ESRP1: variants seen among roughly 807,000 people sequenced by gnomAD.
ESRP1 encodes the protein epithelial splicing regulatory protein 1, also known as RNA-binding motif protein 35A.
ESRP1 carries 33 observed loss-of-function variants against 81.7 expected under a neutral mutation model. The observed-to-expected ratio is 0.40, with a 90% CI of 0.31 to 0.54. ESRP1 has a LOEUF of 0.54. Ranked by LOEUF, ESRP1 falls within the 20% of genes least tolerant of loss-of-function variation. ESRP1 has a pLI of 0.41. For missense variants in ESRP1, 672 were observed against 833.1 expected (o/e 0.81, Z 2.38); for synonymous variants, 320 against 303.3 (o/e 1.06, Z -0.57).
chr8:94,691,537 G>C (rs1299158004), intron 13 of ESRP1, among the ~76,000 whole-genome samples: 1 of 152,186 alleles, frequency 6.6e-6, no homozygotes, highest in African/African-American at 2.4e-5. Flanking sequence ...CTAGGAAAGT[G>C]CTGATCACCC....
chr8:94,664,864 C>G, intron 7 of ESRP1, 57 bp downstream of exon 7: 5 of 1,608,554 alleles, frequency 3.1e-6, no homozygotes, highest in Non-Finnish European at 4.2e-6. Flanking sequence ...AATGGATTTT[C>G]TATCTTTTTT....
At chr8:94,676,309 G>A (rs974180350) in intron 12 of ESRP1, among the ~76,000 whole-genome samples, 55 of 142,388 alleles carry the variant, frequency 3.9e-4, no homozygotes, top group Non-Finnish European at 6.1e-4. Flanking sequence ...CTGAGATTGC[G>A]CCACTATACT....
chr8:94,683,584 A>G (rs1809015043), intron 13 of ESRP1, among the ~76,000 whole-genome samples: 1 of 152,244 alleles, frequency 6.6e-6, no homozygotes, highest in South Asian at 2.1e-4. Flanking sequence ...AGAAAAAAGA[A>G]TTCTTGATTT....
At position 94,678,226 on chromosome 8, in the gene ESRP1, T is replaced by G; in HGVS notation, c.1675T>G (p.Phe559Val). 1.2e-6 allele frequency: 2 copies of G among 1,614,040 alleles called. No individual in the cohort carries two copies. The highest frequency in any genetic ancestry group is 1.7e-6 in the Non-Finnish European group (2 of 1,179,894). ...AGGCCTGTCTCCTCCCTCCTACACATTTCCAGCTCCTGCTGCAGTTATTCC... is the reference window on the plus strand; with the variant it reads ...AGGCCTGTCTCCTCCCTCCTACACAGTTCCAGCTCCTGCTGCAGTTATTCC... ...LPCLSPPSYT[F>V]PAPAAVIPTE... The change falls in exon 13 of 16, where the codon TTT becomes GTT. Residue 559 changes from phenylalanine to valine, a missense_variant. Phe to Val is a conservative substitution (Grantham distance 50, BLOSUM62 -1). Transcript: ENST00000433389.
chr8:94,658,340 C>A (rs565344860), intron 4 of ESRP1, among the ~76,000 whole-genome samples: 2 of 152,310 alleles, frequency 1.3e-5, no homozygotes, highest in East Asian at 3.9e-4. Context: ...CCATTTAAGT[C>A]AGCAGATCCT....
Position 94,643,774 on chromosome 8 carries a change from CAG to C in ESRP1, c.375+361_375+362del, listed in dbSNP as rs549639735. Among the ~76,000 whole-genome samples the C allele has an allele frequency of 5.3e-3, 802 of 152,122 alleles. 2 individuals carry two copies. The highest frequency in any genetic ancestry group is 9.0e-3 in the Non-Finnish European group (614 of 68,014). On this transcript the variant is annotated intron_variant, in intron 3 of 15. Coordinates refer to ENST00000433389, the MANE Select transcript of ESRP1 (RefSeq NM_017697.4). ...ACACTTCCCTTTTCCGAAGCTAATA[CAG>C]AGTGTGAATTTTTGACATTTAAAAT... is the stretch of plus-strand genomic sequence containing the variant.
chr8:94,656,377 C>G (rs1012047132), intron 4 of ESRP1, among the ~76,000 whole-genome samples: 2 of 151,882 alleles, frequency 1.3e-5, no homozygotes, highest in Non-Finnish European at 2.9e-5. Context: ...TGCCACCACG[C>G]CCGGCTAATT....
intron 4 of ESRP1, chr8:94,649,474 G>A (rs1007835707): frequency 6.6e-6 from 1 of 151,988 alleles, no homozygotes; most frequent in Non-Finnish European, 1.5e-5. Flanking sequence ...TGGATTACAG[G>A]TGCATCTGCT....
In ESRP1 at chr8:94,679,919, G is replaced by A. The variant is rs559593832; in HGVS notation, c.1820+1548G>A. Among the ~76,000 whole-genome samples the A allele has an allele frequency of 4.3e-4, 65 of 152,058 alleles. 1 individual carries two copies. Among genetic ancestry groups the A allele is most frequent in the Admixed American group, 7.9e-4 (12 of 15,260 alleles). On this transcript the variant is annotated intron_variant, in intron 13 of 15. Transcript: ENST00000433389. Reference sequence around the variant, plus strand: ...TTCTGTGTATATTTACCTCATTCTTGTAAATTCCTCAAAATGTCCAAAGAG... The same window carrying A: ...TTCTGTGTATATTTACCTCATTCTTATAAATTCCTCAAAATGTCCAAAGAG...
chr8:94,669,214 A>G (rs781658761), intron 10 of ESRP1, among the ~76,000 whole-genome samples: 26 of 152,190 alleles, frequency 1.7e-4, no homozygotes, highest in Non-Finnish European at 3.5e-4. Flanking sequence ...CCAATTGAAC[A>G]TGTCTTCAGG....
At chr8:94,697,080 A>G in intron 15 of ESRP1, 119 bp downstream of exon 15, 1 of 675,594 alleles carries the variant, frequency 1.5e-6, no homozygotes, top group Non-Finnish European at 2.4e-6. Context: ...GTAAAATATC[A>G]GATATCCTGG....
chr8:94,700,149 G>A (rs946514189), intron 15 of ESRP1, among the ~76,000 whole-genome samples: 6 of 152,172 alleles, frequency 3.9e-5, no homozygotes, highest in East Asian at 1.9e-4. Context: ...CTCTGAGGAC[G>A]CTTTTCTGTT....
intron 10 of ESRP1, among the ~76,000 whole-genome samples, chr8:94,669,036 C>T (rs907441752): frequency 9.2e-5 from 14 of 152,104 alleles, no homozygotes; most frequent in African/African-American, 4.8e-5. Context: ...TCTCCCACCT[C>T]GGGCTCCCAA....
intron 10 of ESRP1, among the ~76,000 whole-genome samples, chr8:94,669,287 C>G (rs1245395318): frequency 6.6e-6 from 1 of 152,112 alleles, no homozygotes; most frequent in Non-Finnish European, 1.5e-5. Flanking sequence ...CTATTTGTGT[C>G]CCATAGTAGA....
At chr8:94,677,149 T>C (rs1262143224) in intron 12 of ESRP1, among the ~76,000 whole-genome samples, 1 of 152,210 alleles carries the variant, frequency 6.6e-6, no homozygotes, top group East Asian at 1.9e-4. Context: ...GTCTTTTTTC[T>C]ATACGCCCAT....
At chr8:94,701,254 G>A (rs1586269217) in intron 15 of ESRP1, among the ~76,000 whole-genome samples, 5 of 141,806 alleles carry the variant, frequency 3.5e-5, no homozygotes, top group South Asian at 2.2e-4. Flanking sequence ...CAGCCTGGGC[G>A]ACAGAGCAAG....
chr8:94,658,412 AG>A (rs1818546281), intron 4 of ESRP1, among the ~76,000 whole-genome samples: 1 of 152,238 alleles, frequency 6.6e-6, no homozygotes, highest in South Asian at 2.1e-4. Flanking sequence ...GCCTACACCC[AG>A]GAAATGTTAC....
chr8:94,697,435 G>C lies in ESRP1; in HGVS notation c.*35+474G>C, dbSNP rs1809648813. On this transcript the variant is annotated intron_variant, in intron 15 of 15. Transcript: ENST00000433389. ...CAACTAATCTGCTTTCTGTCTCTAT[G>C]GATTTGGCTATTCTGGATATTTCAT... Among the ~76,000 whole-genome samples, 5 of 152,074 alleles carry C rather than the reference G, an allele frequency of 3.3e-5. No homozygotes were observed. In the South Asian group the frequency reaches 1.0e-3, roughly 32 times the overall value.
chr8:94,665,281 G>T, intron 9 of ESRP1, 85 bp downstream of exon 9: 1 of 1,321,202 alleles, frequency 7.6e-7, no homozygotes, highest in South Asian at 1.3e-5. Context: ...TAGGTGAATA[G>T]GGTCATGAAT....
Sources: gnomAD v4.1 joint callset for allele counts (sites outside exome capture counted in the v4.1 genomes callset) on GRCh38, gnomAD v4.1.1 for gene constraint, MANE v1.5 for transcripts, NCBI Gene and HGNC (gene_info 2026-07-23, HGNC 2026-07-21) for gene names.